Variants in PDE4D observed in about 807,000 individuals in gnomAD.
PDE4D encodes the protein 3',5'-cyclic-AMP phosphodiesterase 4D.
In PDE4D, 24 loss-of-function variants were observed where a neutral mutation model predicts 87.4. The observed-to-expected ratio is 0.27, with a 90% CI of 0.20 to 0.39. PDE4D has a LOEUF of 0.39. Ranked by LOEUF, PDE4D falls within the 10% of genes least tolerant of loss-of-function variation. PDE4D has a pLI of 1.00. For synonymous variants in PDE4D, 384 were observed against 383.2 expected (o/e 1.00, Z -0.02); for missense variants, 714 against 1,041.0 (o/e 0.69, Z 4.32).
intron 1 of PDE4D, among the ~76,000 whole-genome samples, chr5:60,404,019 C>G (rs1374086425): frequency 2.0e-5 from 3 of 152,154 alleles, no homozygotes; most frequent in Non-Finnish European, 2.9e-5. Flanking sequence ...GTAAACTGGC[C>G]ACTTTGTTAA....
chr5:60,089,465 A>G (rs1774875666), intron 2 of PDE4D, among the ~76,000 whole-genome samples: 1 of 152,060 alleles, frequency 6.6e-6, no homozygotes, highest in Non-Finnish European at 1.5e-5. Flanking sequence ...ATAAATTAAA[A>G]AGGAAATTTA....
intron 1 of PDE4D, among the ~76,000 whole-genome samples, chr5:59,536,912 A>T (rs1815379745): frequency 2.6e-5 from 4 of 152,230 alleles, no homozygotes; most frequent in Non-Finnish European, 5.9e-5. Flanking sequence ...TCCACATAGT[A>T]TGACAAATAT....
intron 1 of PDE4D, among the ~76,000 whole-genome samples, chr5:59,539,197 C>T (rs987002168): frequency 6.6e-6 from 1 of 152,124 alleles, no homozygotes; most frequent in Admixed American, 6.5e-5. Context: ...GTGATAAGCC[C>T]ATGGTAGGTG....
chr5:60,227,046 TACAA>T (rs1745195371), intron 1 of PDE4D, among the ~76,000 whole-genome samples: 1 of 152,068 alleles, frequency 6.6e-6, no homozygotes, highest in Admixed American at 6.6e-5. Context: ...GGGAAAAATA[TACAA>T]ACAGATAGAT....
chr5:60,318,082 T>G (rs1295051266), intron 1 of PDE4D, among the ~76,000 whole-genome samples: 6 of 152,142 alleles, frequency 3.9e-5, no homozygotes, highest in African/African-American at 1.4e-4. Context: ...ATGTTGACAG[T>G]GGGGTGTTAA....
intron 1 of PDE4D, chr5:60,459,739 C>CGTA: frequency 2.8e-5 from 11 of 398,348 alleles, no homozygotes; most frequent in South Asian, 9.0e-5. Flanking sequence ...GCAAAGAGAC[C>CGTA]TCAACAACAG....
chr5:59,657,547 C>A (rs1362024024), intron 1 of PDE4D, among the ~76,000 whole-genome samples: 1 of 152,074 alleles, frequency 6.6e-6, no homozygotes, highest in Non-Finnish European at 1.5e-5. Flanking sequence ...TGCATATTTC[C>A]CTGTAAGCTT....
chr5:59,785,419 A>C (rs546399076), intron 1 of PDE4D, among the ~76,000 whole-genome samples: 1 of 152,334 alleles, frequency 6.6e-6, no homozygotes, highest in East Asian at 1.9e-4. Flanking sequence ...TTGAGCACCT[A>C]CTAGGTTCTA....
At chr5:59,383,368 T>C (rs1464766446) in intron 1 of PDE4D, among the ~76,000 whole-genome samples, 2 of 152,144 alleles carry the variant, frequency 1.3e-5, no homozygotes, top group Non-Finnish European at 2.9e-5. Context: ...CCTGCCCATT[T>C]GCCCACGAAT....
chr5:60,125,076 A>G lies in PDE4D; in HGVS notation c.42+60481T>C, dbSNP rs191898961. 2.7e-3 allele frequency among the ~76,000 whole-genome samples: 406 copies of G among 152,178 alleles called. 3 individuals carry two copies. Among genetic ancestry groups the G allele is most frequent in the African/African-American group, 9.4e-3 (390 of 41,504 alleles). The stretch of plus-strand genomic sequence containing the variant: ...TTAGAGTGGCTTTTCCTATTTATCT[A>G]TGGTAACTCCTCAGTTTTAAAATCA... On this transcript the variant is annotated intron_variant, in intron 2 of 16. Transcript: ENST00000502484.
chr5:59,736,705 A>G (rs1758120791), intron 1 of PDE4D, among the ~76,000 whole-genome samples: 1 of 152,078 alleles, frequency 6.6e-6, no homozygotes, highest in African/African-American at 2.4e-5. Context: ...GAAAAAAAGG[A>G]AATGATTGAC....
At chr5:59,930,163 CAAA>C (rs35465849) in intron 3 of PDE4D, among the ~76,000 whole-genome samples, 52 of 82,946 alleles carry the variant, frequency 6.3e-4, no homozygotes, top group South Asian at 1.9e-3. Context: ...ACTCCGTCTC[CAAA>C]AAAAAAAAAA....
intron 1 of PDE4D, among the ~76,000 whole-genome samples, chr5:59,607,235 C>T (rs1021181993): frequency 6.6e-6 from 1 of 152,024 alleles, no homozygotes; most frequent in Non-Finnish European, 1.5e-5. Context: ...TTTAAAAATG[C>T]TAATATATGA....
intron 1 of PDE4D, among the ~76,000 whole-genome samples, chr5:59,442,998 A>G (rs1314113286): frequency 6.6e-6 from 1 of 152,226 alleles, no homozygotes; most frequent in African/African-American, 2.4e-5. Flanking sequence ...GACCTTAGAA[A>G]AACCCAGCAG....
At chr5:60,421,879 G>A (rs1456182698) in intron 1 of PDE4D, among the ~76,000 whole-genome samples, 1 of 152,168 alleles carries the variant, frequency 6.6e-6, no homozygotes, top group African/African-American at 2.4e-5. Flanking sequence ...ACCACGGCAC[G>A]AGAACTTCGT....
chr5:59,693,953 C>A (rs1355619535), intron 1 of PDE4D, among the ~76,000 whole-genome samples: 2 of 151,956 alleles, frequency 1.3e-5, no homozygotes, highest in African/African-American at 2.4e-5. Context: ...AAGGTTGATG[C>A]CTTAAGGGCT....
intron 1 of PDE4D, chr5:59,586,740 G>A: frequency 1.0e-6 from 1 of 985,342 alleles, no homozygotes; most frequent in Non-Finnish European, 1.2e-6. Flanking sequence ...GCATCCTTAA[G>A]GAAGGACTCT....
At chr5:59,442,808 A>G (rs1797838514) in intron 1 of PDE4D, among the ~76,000 whole-genome samples, 1 of 152,210 alleles carries the variant, frequency 6.6e-6, no homozygotes, top group Admixed American at 6.5e-5. Flanking sequence ...TCCACACCCA[A>G]TTGCCATAGA....
At chr5:60,438,245 AAGGG>A (rs934555950) in intron 1 of PDE4D, among the ~76,000 whole-genome samples, 9 of 152,072 alleles carry the variant, frequency 5.9e-5, no homozygotes, top group Admixed American at 5.9e-4. Flanking sequence ...GGGATCAAAC[AAGGG>A]AGGGAGAGTA....
Sources: allele counts gnomAD v4.1 joint callset (sites outside exome capture counted in the v4.1 genomes callset), GRCh38; gene constraint gnomAD v4.1.1; transcripts MANE v1.5; gene names NCBI Gene and HGNC (gene_info 2026-07-23, HGNC 2026-07-21).